The following MGMT variants were observed in gnomAD, a reference collection of about 807,000 sequenced individuals.
MGMT encodes methylated-DNA--protein-cysteine methyltransferase.
Under a neutral mutation model 15.9 loss-of-function variants are expected in MGMT, and 14 were observed. That is an observed-to-expected ratio of 0.88 (90% confidence interval 0.58 to 1.37). The LOEUF is 1.37. Among genes scored for constraint, MGMT ranks in the 40% most tolerant of loss-of-function variants. MGMT has a pLI of 0.00. For synonymous variants in MGMT, 130 were observed against 118.2 expected (o/e 1.10, Z -0.65); for missense variants, 282 against 268.1 (o/e 1.05, Z -0.36).
At chr10:129,615,837 G>C (rs1487032799) in intron 2 of MGMT, among the ~76,000 whole-genome samples, 6 of 152,122 alleles carry the variant, frequency 3.9e-5, no homozygotes, top group African/African-American at 1.2e-4. Flanking sequence ...AGACAGGAAG[G>C]GTCCAGGTAT....
At chr10:129,568,794 C>CAAAA (rs1846384139) in intron 2 of MGMT, among the ~76,000 whole-genome samples, 1 of 152,054 alleles carries the variant, frequency 6.6e-6, no homozygotes, top group Middle Eastern at 3.2e-3. Context: ...GCCCCCTTTT[C>CAAAA]CCTGCCCCCT....
intron 1 of MGMT, among the ~76,000 whole-genome samples, chr10:129,507,453 A>G (rs1845637460): frequency 1.3e-5 from 2 of 149,748 alleles, no homozygotes; most frequent in Non-Finnish European, 2.9e-5. Flanking sequence ...CTGTGGAGGC[A>G]GGGCCAGGCT....
intron 3 of MGMT, among the ~76,000 whole-genome samples, chr10:129,720,217 AT>A (rs1209535972): frequency 2.0e-5 from 3 of 152,180 alleles, no homozygotes; most frequent in Non-Finnish European, 4.4e-5. Context: ...TTCAACCATT[AT>A]TTCTTCTCCC....
chr10:129,736,741 T>G (rs906437013), intron 3 of MGMT, among the ~76,000 whole-genome samples: 20 of 152,116 alleles, frequency 1.3e-4, no homozygotes, highest in African/African-American at 3.6e-4. Context: ...AGGAGCTCTT[T>G]TAGGGCAGGC....
intron 2 of MGMT, among the ~76,000 whole-genome samples, chr10:129,621,668 C>T (rs1273259894): frequency 6.6e-6 from 1 of 152,192 alleles, no homozygotes; most frequent in Non-Finnish European, 1.5e-5. Flanking sequence ...AATTTGGGAT[C>T]TCTTTGGAAG....
At position 129,646,738 on chromosome 10, in the gene MGMT, A is replaced by ATTTTT. The variant is rs1199725603; in HGVS notation, c.126-61156_126-61155insTTTTT. Among the ~76,000 whole-genome samples, 33 of 93,878 alleles carry ATTTTT rather than the reference A, an allele frequency of 3.5e-4. 1 individual carries two copies. Among genetic ancestry groups the ATTTTT allele is most frequent in the Non-Finnish European group, 6.2e-4 (27 of 43,488 alleles). 61.6% of individuals were successfully genotyped at this position (93,878 alleles called of 152,430 possible). A position where few individuals can be genotyped will look rare whatever the true frequency, so the allele number is the denominator to read the frequency against. On this transcript the variant is annotated intron_variant, in intron 2 of 4. Coordinates refer to ENST00000651593, the MANE Select transcript of MGMT (RefSeq NM_002412.5). ...ATCAGAAATATATATATATATATATATATATATATATATATATTTTCAGGG... is the reference window on the plus strand; with the variant it reads ...ATCAGAAATATATATATATATATATATTTTTTATATATATATATATATTTTCAGGG...
intron 2 of MGMT, among the ~76,000 whole-genome samples, chr10:129,585,472 T>C (rs372309051): frequency 7.2e-5 from 11 of 152,320 alleles, no homozygotes; most frequent in African/African-American, 2.4e-4. Flanking sequence ...AGGGGTTGGC[T>C]CCAGGACTCC....
chr10:129,538,913 C>T (rs960479238), intron 2 of MGMT, among the ~76,000 whole-genome samples: 34 of 152,176 alleles, frequency 2.2e-4, no homozygotes, highest in Admixed American at 3.9e-4. Flanking sequence ...GGATTACAGG[C>T]GTGAGCCACT....
At chr10:129,497,940 A>T (rs1472831989) in intron 1 of MGMT, among the ~76,000 whole-genome samples, 1 of 152,208 alleles carries the variant, frequency 6.6e-6, no homozygotes, top group African/African-American at 2.4e-5. Context: ...AATGTGCGAG[A>T]TGAATTTCTG....
At position 129,513,708 on chromosome 10, in the gene MGMT, T is replaced by G. The variant is rs187960788; in HGVS notation, c.-12-22533T>G. On this transcript the variant is annotated intron_variant, in intron 1 of 4. Transcript: ENST00000651593. ...TAGAATGTCTTGACTTTCTAAAGGT[T>G]GTTGTAAAACAAGGGAAGGCCATGA... 5.9e-5 allele frequency among the ~76,000 whole-genome samples: 9 copies of G among 152,332 alleles called. No individual in the cohort carries two copies. In the East Asian group the frequency reaches 1.7e-3, roughly 29 times the overall value.
intron 2 of MGMT, among the ~76,000 whole-genome samples, chr10:129,589,783 G>A (rs1184531465): frequency 6.6e-6 from 1 of 152,230 alleles, no homozygotes; most frequent in Admixed American, 6.5e-5. Context: ...ACCATTAAAG[G>A]GCTGCTTCCA....
intron 2 of MGMT, among the ~76,000 whole-genome samples, chr10:129,558,033 G>A (rs1846233172): frequency 6.6e-6 from 1 of 152,180 alleles, no homozygotes; most frequent in Non-Finnish European, 1.5e-5. Flanking sequence ...GCGGGAAGAG[G>A]TTTCCCGGTT....
At chr10:129,614,805 A>G (rs928045681) in intron 2 of MGMT, among the ~76,000 whole-genome samples, 4 of 152,020 alleles carry the variant, frequency 2.6e-5, no homozygotes, top group Admixed American at 2.0e-4. Context: ...TGTTCAATGC[A>G]TTTAAATTGA....
At chr10:129,627,423 G>A (rs200447876) in intron 2 of MGMT, among the ~76,000 whole-genome samples, 15 of 46,740 alleles carry the variant, frequency 3.2e-4, no homozygotes, top group African/African-American at 8.5e-4. Context: ...TCAAAAAAAA[G>A]AAAGAAAGAA....
intron 3 of MGMT, among the ~76,000 whole-genome samples, chr10:129,709,646 A>C (rs1564769628): frequency 6.6e-6 from 1 of 152,174 alleles, no homozygotes; most frequent in Non-Finnish European, 1.5e-5. Context: ...AATCATATGG[A>C]GGCTGGGAGA....
chr10:129,585,946 C>G (rs1846613258), intron 2 of MGMT, among the ~76,000 whole-genome samples: 1 of 152,118 alleles, frequency 6.6e-6, no homozygotes, highest in African/African-American at 2.4e-5. Context: ...TGAACACAAG[C>G]ACTGCAATGA....
At chr10:129,628,195 AT>A (rs1847171977) in intron 2 of MGMT, among the ~76,000 whole-genome samples, 1 of 152,062 alleles carries the variant, frequency 6.6e-6, no homozygotes, top group Non-Finnish European at 1.5e-5. Flanking sequence ...CTTCCTTTTC[AT>A]TTTTTACACT....
intron 2 of MGMT, among the ~76,000 whole-genome samples, chr10:129,582,743 G>A (rs1846571571): frequency 6.6e-6 from 1 of 152,080 alleles, no homozygotes; most frequent in Non-Finnish European, 1.5e-5. Context: ...GTAGGTTTTA[G>A]CACACCAGCG....
chr10:129,496,576 C>T (rs189758963), intron 1 of MGMT, among the ~76,000 whole-genome samples: 55 of 152,232 alleles, frequency 3.6e-4, no homozygotes, highest in African/African-American at 1.3e-3. Context: ...TGGCCTGACC[C>T]GGAACCCACT....
Sources: gnomAD v4.1 joint callset for allele counts (sites outside exome capture counted in the v4.1 genomes callset) on GRCh38, gnomAD v4.1.1 for gene constraint, MANE v1.5 for transcripts, NCBI Gene and HGNC (gene_info 2026-07-23, HGNC 2026-07-21) for gene names.